The following LUC7L variants were observed in gnomAD, a reference collection of about 807,000 sequenced individuals.
LUC7L encodes LUC7 like.
LUC7L carries 29 observed loss-of-function variants against 51.1 expected under a neutral mutation model. The ratio of observed to expected loss-of-function variants is 0.57; its 90% CI spans 0.42 to 0.77. LUC7L has a LOEUF of 0.77. Ranked by LOEUF, LUC7L falls within the 30% of genes least tolerant of loss-of-function variation. The pLI, the probability that LUC7L is intolerant of heterozygous loss-of-function variation, is 0.00. For missense variants in LUC7L, 403 were observed against 511.9 expected (o/e 0.79, Z 2.05); for synonymous variants, 181 against 180.7 (o/e 1.00, Z -0.01).
At chr16:222,976 G>A (rs921347578) in intron 2 of LUC7L, among the ~76,000 whole-genome samples, 3 of 150,240 alleles carry the variant, frequency 2.0e-5, no homozygotes, top group Non-Finnish European at 4.4e-5. Flanking sequence ...AAAAAGAAAG[G>A]AAGGCTTTAA....
At chr16:223,899 T>G (rs2050047891) in intron 2 of LUC7L, among the ~76,000 whole-genome samples, 1 of 151,990 alleles carries the variant, frequency 6.6e-6, no homozygotes, top group South Asian at 2.1e-4. Flanking sequence ...CTCAAACTCC[T>G]GACCTCAAGT....
chr16:214,710 T>C (rs528049093), intron 3 of LUC7L, among the ~76,000 whole-genome samples: 67 of 152,234 alleles, frequency 4.4e-4, no homozygotes, highest in African/African-American at 1.6e-3. Context: ...TGGTATTTTG[T>C]GTACAGACAG....
At chr16:208,548 G>T in intron 3 of LUC7L, 1 of 873,892 alleles carries the variant, frequency 1.1e-6, no homozygotes, top group Non-Finnish European at 1.4e-6. Context: ...GCCTAGACTC[G>T]TGCTGGAGGC....
intron 2 of LUC7L, among the ~76,000 whole-genome samples, chr16:226,061 T>C (rs2050124261): frequency 6.6e-6 from 1 of 152,164 alleles, no homozygotes; most frequent in Non-Finnish European, 1.5e-5. Context: ...TTGACCTCGG[T>C]ACACACAACA....
At chr16:210,113 C>A (rs1471451457) in intron 3 of LUC7L, among the ~76,000 whole-genome samples, 1 of 152,148 alleles carries the variant, frequency 6.6e-6, no homozygotes, top group East Asian at 1.9e-4. Context: ...CATGGAGAAA[C>A]CCCATCTCTA....
At chr16:229,008 G>C in intron 1 of LUC7L, 1 of 1,448,670 alleles carries the variant, frequency 6.9e-7, no homozygotes, top group Non-Finnish European at 9.1e-7. Flanking sequence ...CGCCCGCCGG[G>C]GAGGAAGTAG....
At chr16:220,359 C>T in intron 3 of LUC7L, 1 of 256,928 alleles carries the variant, frequency 3.9e-6, no homozygotes. Flanking sequence ...ACTATGAAAC[C>T]ATTCAAAACT....
At chr16:201,100 C>A (rs937748360) in intron 5 of LUC7L, among the ~76,000 whole-genome samples, 3 of 141,402 alleles carry the variant, frequency 2.1e-5, no homozygotes, top group African/African-American at 8.0e-5. Context: ...ACCCGGGAGT[C>A]AGAGGATGCA....
intron 1 of LUC7L, chr16:228,852 T>A: frequency 7.7e-7 from 1 of 1,297,508 alleles, no homozygotes; most frequent in Non-Finnish European, 1.0e-6. Flanking sequence ...GGCCAGGTTT[T>A]CGAGGCCCAT....
intron 6 of LUC7L, among the ~76,000 whole-genome samples, chr16:196,668 C>T (rs1404109474): frequency 6.6e-6 from 1 of 151,338 alleles, no homozygotes; most frequent in African/African-American, 2.4e-5. Flanking sequence ...GCTGAGAATA[C>T]AAATGTGTAC....
intron 5 of LUC7L, among the ~76,000 whole-genome samples, chr16:201,625 G>C (rs993635605): frequency 2.6e-5 from 4 of 151,580 alleles, no homozygotes; most frequent in African/African-American, 9.7e-5. Flanking sequence ...ATTTTTAGTA[G>C]AGACGGAGTA....
At chr16:201,442 CTTTTT>C (rs779419613) in intron 5 of LUC7L, among the ~76,000 whole-genome samples, 1 of 143,138 alleles carries the variant, frequency 7.0e-6, no homozygotes, top group Non-Finnish European at 1.5e-5. Flanking sequence ...ATTTACATAA[CTTTTT>C]TTTTTTTTTT....
chr16:220,828 G>A (rs2049944820), intron 2 of LUC7L, 81 bp from the exon 3 acceptor site: 1 of 837,894 alleles, frequency 1.2e-6, no homozygotes, highest in Admixed American at 2.1e-5. Context: ...TGTTTCAACT[G>A]TCACCAACAG....
At chr16:218,025 C>CTA (rs1341437021) in intron 3 of LUC7L, among the ~76,000 whole-genome samples, 62 of 118,524 alleles carry the variant, frequency 5.2e-4, no homozygotes, top group African/African-American at 1.8e-3. Context: ...AACTATATCT[C>CTA]CAAAAAAAAA....
chr16:228,508 T>C, intron 1 of LUC7L: 1 of 1,227,210 alleles, frequency 8.1e-7, no homozygotes. Context: ...TAAAAAGCAC[T>C]TATTCACCTA....
chr16:197,208 T>A (rs1373492443), intron 6 of LUC7L, among the ~76,000 whole-genome samples: 3 of 102,842 alleles, frequency 2.9e-5, no homozygotes, highest in East Asian at 2.6e-4. Flanking sequence ...GCACCCAGCC[T>A]TTTTTTTTTT....
chr16:215,226 G>A (rs542389907), intron 3 of LUC7L, among the ~76,000 whole-genome samples: 4 of 152,050 alleles, frequency 2.6e-5, no homozygotes, highest in African/African-American at 7.2e-5. Flanking sequence ...AATGGATCAC[G>A]CCTGTAATCC....
chr16:201,544 A>G (rs945191796), intron 5 of LUC7L, among the ~76,000 whole-genome samples: 2 of 151,374 alleles, frequency 1.3e-5, no homozygotes, highest in African/African-American at 4.8e-5. Context: ...GGTCCACACC[A>G]TTCACCTGCC....
chr16:219,387 C>G (rs1396920598), intron 3 of LUC7L, among the ~76,000 whole-genome samples: 5 of 151,504 alleles, frequency 3.3e-5, no homozygotes, highest in Non-Finnish European at 7.4e-5. Flanking sequence ...GACTCTGTCT[C>G]AAAATAAATA....
Sources: gnomAD v4.1 joint callset for allele counts (sites outside exome capture counted in the v4.1 genomes callset) on GRCh38, gnomAD v4.1.1 for gene constraint, MANE v1.5 for transcripts, NCBI Gene and HGNC (gene_info 2026-07-23, HGNC 2026-07-21) for gene names.